Variants in SLC8B1 observed in about 807,000 individuals in gnomAD.
SLC8B1 encodes the protein solute carrier family 8 member B1, also known as mitochondrial sodium/calcium exchanger protein.
Under a neutral mutation model 63.4 loss-of-function variants are expected in SLC8B1, and 52 were observed. The ratio of observed to expected loss-of-function variants is 0.82; its 90% CI spans 0.66 to 1.03. The LOEUF (loss-of-function observed/expected upper bound fraction) is 1.03. SLC8B1 is among the 50% of genes least tolerant of loss of function. The pLI is 0.00. For synonymous variants in SLC8B1, 336 were observed against 323.9 expected, an observed-to-expected ratio of 1.04 and a Z score of -0.40; for missense variants, 657 against 741.7, an observed-to-expected ratio of 0.89 and a Z score of 1.33.
At position 113,316,590 on chromosome 12, in the gene SLC8B1, T is replaced by C. The variant is rs750855322; in HGVS notation, c.929A>G (p.Asn310Ser). 20 of 1,614,068 alleles carry C rather than the reference T, an allele frequency of 1.2e-5. No individual in the cohort carries two copies. Among genetic ancestry groups the C allele is most frequent in the Admixed American group, 1.7e-5 (1 of 60,002 alleles). The change falls in exon 10 of 16, where the codon AAT becomes AGT. Residue 310 changes from asparagine to serine, a missense_variant. Coordinates refer to ENST00000680972, the MANE Select transcript of SLC8B1 (RefSeq NM_001358345.2). ...TCTCCACTTCATGTAATCCAGGGGA[T>C]TGAGGGCCCGGACCAGGATCTGAGC... ...TTAQILVRAL[N>S]PLDYMKWRRK...
At chr12:113,322,346 T>C (rs1168534664) in intron 2 of SLC8B1, among the ~76,000 whole-genome samples, 4 of 152,118 alleles carry the variant, frequency 2.6e-5, no homozygotes, top group Non-Finnish European at 5.9e-5. Context: ...GGCCCACTGT[T>C]CTCCCCTGCC....
chr12:113,304,299 T>C, intron 15 of SLC8B1, 22 bp downstream of exon 15: 1 of 1,612,756 alleles, frequency 6.2e-7, no homozygotes, highest in South Asian at 1.1e-5. Context: ...TATACACTTG[T>C]AAACTTACAA....
intron 15 of SLC8B1, among the ~76,000 whole-genome samples, chr12:113,302,988 A>G (rs552541404): frequency 9.3e-5 from 14 of 150,084 alleles, no homozygotes; most frequent in South Asian, 2.1e-4. Context: ...TAAACTCAGC[A>G]CAAAGGTGGT....
At chr12:113,317,077 G>A in intron 8 of SLC8B1, 76 bp from the exon 9 acceptor site, 1 of 1,299,474 alleles carries the variant, frequency 7.7e-7, no homozygotes, top group South Asian at 1.2e-5. Context: ...AGCAGGTTTA[G>A]GGGTGCAAGT....
chr12:113,325,542 G>A (rs553785529), intron 2 of SLC8B1, among the ~76,000 whole-genome samples: 44 of 151,774 alleles, frequency 2.9e-4, no homozygotes, highest in African/African-American at 9.7e-4. Flanking sequence ...GATTATAGGC[G>A]TGAACCACCA....
At chr12:113,312,580 T>A (rs923157959) in intron 11 of SLC8B1, among the ~76,000 whole-genome samples, 1 of 152,146 alleles carries the variant, frequency 6.6e-6, no homozygotes, top group Non-Finnish European at 1.5e-5. Flanking sequence ...CAGCACCCCT[T>A]CAGGCTGGGA....
At chr12:113,312,945 G>T (rs1030898332) in intron 11 of SLC8B1, among the ~76,000 whole-genome samples, 2 of 151,276 alleles carry the variant, frequency 1.3e-5, no homozygotes, top group Non-Finnish European at 2.9e-5. Flanking sequence ...TCACTCTGTC[G>T]CCCAGGCTGG....
At chr12:113,315,582 CACTG>C (rs1956824863) in intron 10 of SLC8B1, 106 bp from the exon 11 acceptor site, 16 of 1,347,402 alleles carry the variant, frequency 1.2e-5, no homozygotes, top group South Asian at 3.1e-5. Context: ...ATTGCTGAAG[CACTG>C]ACTGTGTGCG....
intron 15 of SLC8B1, among the ~76,000 whole-genome samples, chr12:113,302,963 G>A (rs1010332545): frequency 3.3e-5 from 5 of 151,962 alleles, no homozygotes; most frequent in African/African-American, 7.2e-5. Flanking sequence ...GCCATTTAAC[G>A]GCAGGAGCGT....
intron 14 of SLC8B1, 26 bp from the exon 15 acceptor site, chr12:113,304,411 C>T: frequency 6.2e-7 from 1 of 1,609,232 alleles, no homozygotes; most frequent in Non-Finnish European, 8.5e-7. Context: ...GGAAGCTTTG[C>T]TGGAATGGCC....
intron 2 of SLC8B1, among the ~76,000 whole-genome samples, chr12:113,330,821 G>A: frequency 6.6e-6 from 1 of 152,176 alleles, no homozygotes; most frequent in Non-Finnish European, 1.5e-5. Context: ...TGGGATTCCT[G>A]CTGAAGAAAT....
At chr12:113,311,480 C>T (rs894877629) in intron 11 of SLC8B1, among the ~76,000 whole-genome samples, 6 of 151,190 alleles carry the variant, frequency 4.0e-5, no homozygotes. Context: ...ATTAGCTGGG[C>T]GTGGTGGTGG....
intron 2 of SLC8B1, among the ~76,000 whole-genome samples, chr12:113,325,586 A>C (rs1956987049): frequency 7.4e-6 from 1 of 135,048 alleles, no homozygotes; most frequent in Admixed American, 7.7e-5. Flanking sequence ...TTTTTTTGAG[A>C]CGGAGTCTCG....
At chr12:113,317,339 TC>T (rs1956848300) in intron 8 of SLC8B1, among the ~76,000 whole-genome samples, 1 of 152,146 alleles carries the variant, frequency 6.6e-6, no homozygotes, top group African/African-American at 2.4e-5. Flanking sequence ...TCCACCCGCC[TC>T]AGCTTCCCAA....
Position 113,299,407 on chromosome 12 carries a change from G to A in SLC8B1, c.*370C>T. 1 of 266,928 alleles carries A rather than the reference G, an allele frequency of 3.7e-6. No individual in the cohort carries two copies. Among genetic ancestry groups the A allele is most frequent in the Non-Finnish European group, 7.5e-6 (1 of 133,048 alleles). 16.5% of individuals were successfully genotyped at this position (266,928 alleles called of 1,614,324 possible). ...GAAGCCCAGGCAAGGGGAACGGGCA[G>A]TGCCTGTGCCTCGGGGGTACCTCCA... On this transcript the variant is annotated 3_prime_UTR_variant, in exon 16 of 16. Coordinates refer to ENST00000680972, the MANE Select transcript of SLC8B1 (RefSeq NM_001358345.2).
In SLC8B1 at chr12:113,298,990, CA is replaced by C. The variant is rs1956524319; in HGVS notation, c.*786del. 6.6e-6 allele frequency: 1 copy of C among 152,366 alleles called. No individual in the cohort carries two copies. The highest frequency in any genetic ancestry group is 1.5e-5 in the Non-Finnish European group (1 of 68,136). 9.4% of individuals were successfully genotyped at this position (152,366 alleles called of 1,614,324 possible). A position where few individuals can be genotyped will look rare whatever the true frequency, so the allele number is the denominator to read the frequency against. On this transcript the variant is annotated 3_prime_UTR_variant, in exon 16 of 16. Transcript: ENST00000680972. The stretch of plus-strand genomic sequence containing the variant: ...GGCCCCGCTGAGGGAGGCACAGGCA[CA>C]GTCCTACCGACTCCTGCCTGGCAGC...
chr12:113,333,653 C>T (rs1426780588), intron 1 of SLC8B1, among the ~76,000 whole-genome samples: 2 of 152,028 alleles, frequency 1.3e-5, no homozygotes, highest in South Asian at 2.1e-4. Context: ...ATGTCACCCC[C>T]CCGCCCCCCA....
At chr12:113,317,194 G>A (rs1956846813) in intron 8 of SLC8B1, among the ~76,000 whole-genome samples, 193 bp from the exon 9 acceptor site, 1 of 152,040 alleles carries the variant, frequency 6.6e-6, no homozygotes, top group African/African-American at 2.4e-5. Flanking sequence ...AGACCTCCTG[G>A]GCTCACTCAA....
In SLC8B1 at chr12:113,321,222, G is replaced by C. The variant is rs149411391; in HGVS notation, c.283C>G (p.Leu95Val). Residue 95 changes from leucine (L) to valine (V), a missense_variant, in exon 3 of 16, where the codon CTC (leucine) becomes GTC (valine). By Grantham distance (32) the Leu-to-Val change is conservative (BLOSUM62 1). Transcript: ENST00000680972. ...TAGAGAGTGACAGCCAGAGGGAGGA[G>C]GCTGGGAGGGAAGTGGCAGAAGATG... ...EGIFCHFPPS[L>V]LPLAVTLYVS... 31 of 1,614,060 alleles carry C rather than the reference G, an allele frequency of 1.9e-5. No individual in the cohort carries two copies. Among genetic ancestry groups the C allele is most frequent in the Non-Finnish European group, 2.5e-5 (30 of 1,180,014 alleles).
Sources: gnomAD v4.1 joint callset for allele counts (sites outside exome capture counted in the v4.1 genomes callset) on GRCh38, gnomAD v4.1.1 for gene constraint, MANE v1.5 for transcripts, NCBI Gene and HGNC (gene_info 2026-07-23, HGNC 2026-07-21) for gene names.